The following CEP70 variants were observed in gnomAD, a reference collection of about 807,000 sequenced individuals.
CEP70 encodes the protein centrosomal protein 70.
Under a neutral mutation model 90.9 loss-of-function variants are expected in CEP70, and 70 were observed. The ratio of observed to expected loss-of-function variants is 0.77; its 90% CI spans 0.64 to 0.94. The LOEUF (loss-of-function observed/expected upper bound fraction) is 0.94. CEP70 is among the 40% of genes least tolerant of loss of function. The probability of loss-of-function intolerance (pLI) is 0.00; values close to 1 mark genes in which losing one functional copy is unlikely to be tolerated. For synonymous variants in CEP70, 220 were observed against 228.3 expected, an observed-to-expected ratio of 0.96 and a Z score of 0.33; for missense variants, 648 against 669.0, an observed-to-expected ratio of 0.97 and a Z score of 0.35.
intron 7 of CEP70, among the ~76,000 whole-genome samples, chr3:138,532,929 G>A (rs2037952686): frequency 6.6e-6 from 1 of 152,182 alleles, no homozygotes. Context: ...TGAAAAGCCA[G>A]AAATAATTTA....
rs758716365 is a variant in CEP70, at chr3:138,552,577, T to C, written c.466-15230A>G. Among the ~76,000 whole-genome samples, 12 of 152,164 alleles carry C rather than the reference T, an allele frequency of 7.9e-5. 1 individual carries two copies. In the South Asian group the frequency reaches 1.7e-3, roughly 21 times the overall value. ...TAAATAACCTGCTCCTGAATGATCA[T>C]TGGGTCAACAATAAAATCAAGATGG... On this transcript the variant is annotated intron_variant, in intron 6 of 17. Coordinates refer to ENST00000264982, the MANE Select transcript of CEP70 (RefSeq NM_024491.4).
intron 6 of CEP70, among the ~76,000 whole-genome samples, chr3:138,568,763 G>A (rs984053040): frequency 1.3e-5 from 2 of 151,812 alleles, no homozygotes; most frequent in Admixed American, 6.6e-5. Context: ...GGTGGATCAC[G>A]AAGTCAGGAG....
intron 7 of CEP70, among the ~76,000 whole-genome samples, chr3:138,533,096 A>G (rs567619725): frequency 6.6e-6 from 1 of 152,328 alleles, no homozygotes; most frequent in South Asian, 2.1e-4. Context: ...CCTGGCCAAC[A>G]TGGTGAAACC....
intron 11 of CEP70, among the ~76,000 whole-genome samples, chr3:138,513,710 A>C (rs925324230): frequency 2.0e-5 from 3 of 152,240 alleles, no homozygotes; most frequent in Non-Finnish European, 4.4e-5. Context: ...CTGTCAGCTC[A>C]ACACAGAGTG....
At chr3:138,587,176 T>C (rs1200139609) in intron 2 of CEP70, among the ~76,000 whole-genome samples, 2 of 151,940 alleles carry the variant, frequency 1.3e-5, no homozygotes, top group African/African-American at 2.4e-5. Context: ...ATCTAGAAAT[T>C]AGTAACTTTT....
intron 2 of CEP70, among the ~76,000 whole-genome samples, chr3:138,584,704 T>G (rs1351247810): frequency 2.6e-5 from 4 of 152,032 alleles, no homozygotes; most frequent in African/African-American, 9.7e-5. Flanking sequence ...ATATGATCGT[T>G]TCAACTGATA....
intron 13 of CEP70, among the ~76,000 whole-genome samples, chr3:138,503,267 T>G (rs546741786): frequency 2.1e-4 from 32 of 152,306 alleles, no homozygotes; most frequent in African/African-American, 7.0e-4. Context: ...TGGAATCATA[T>G]AAGTGGAATC....
At chr3:138,590,667 C>T (rs970129733) in intron 2 of CEP70, among the ~76,000 whole-genome samples, 3 of 151,304 alleles carry the variant, frequency 2.0e-5, no homozygotes, top group Non-Finnish European at 2.9e-5. Context: ...AAAAAATAGC[C>T]GATCCTGGTG....
rs373511141 is a variant in CEP70 at position 138,532,236 on chromosome 3, G to C, written c.692+278C>G. Among the ~76,000 whole-genome samples the C allele has an allele frequency of 3.0e-4, 46 of 152,146 alleles. 1 individual carries two copies. Among genetic ancestry groups the C allele is most frequent in the African/African-American group, 1.1e-3 (44 of 41,514 alleles). On this transcript the variant is annotated intron_variant, in intron 8 of 17. Transcript: ENST00000264982. ...ACCCAGGGGCTAGATCATATCAGTAGAAAAAATTATAATACTTCAAGAAAA... is the reference window on the plus strand; with the variant it reads ...ACCCAGGGGCTAGATCATATCAGTACAAAAAATTATAATACTTCAAGAAAA...
At chr3:138,502,328 A>G (rs2034587052) in intron 13 of CEP70, among the ~76,000 whole-genome samples, 1 of 152,202 alleles carries the variant, frequency 6.6e-6, no homozygotes, top group South Asian at 2.1e-4. Context: ...ACTAGACAGC[A>G]CAGCTCTAGA....
At chr3:138,518,306 T>C (rs1206012278) in intron 11 of CEP70, among the ~76,000 whole-genome samples, 1 of 152,160 alleles carries the variant, frequency 6.6e-6, no homozygotes, top group Non-Finnish European at 1.5e-5. Flanking sequence ...GACTTAAATG[T>C]CCCTGTCTGA....
At chr3:138,576,954 A>G (rs1438806998) in intron 2 of CEP70, among the ~76,000 whole-genome samples, 1 of 152,248 alleles carries the variant, frequency 6.6e-6, no homozygotes, top group East Asian at 1.9e-4. Context: ...CCAAATGTCC[A>G]TCAATGATAG....
intron 17 of CEP70, chr3:138,496,124 A>G: frequency 1.0e-6 from 1 of 985,476 alleles, no homozygotes; most frequent in Non-Finnish European, 1.2e-6. Context: ...ACTTAAGGTA[A>G]GCCACAATGG....
chr3:138,532,087 T>A (rs1376132203), intron 8 of CEP70, among the ~76,000 whole-genome samples: 1 of 152,180 alleles, frequency 6.6e-6, no homozygotes, highest in Non-Finnish European at 1.5e-5. Context: ...TGTGTTTTAA[T>A]CTATAAGCTT....
chr3:138,572,468 T>C (rs929511966), intron 3 of CEP70, among the ~76,000 whole-genome samples: 9 of 152,224 alleles, frequency 5.9e-5, no homozygotes, highest in African/African-American at 1.9e-4. Context: ...AAAAACAAAA[T>C]GCTCTATACA....
At chr3:138,533,580 C>T (rs1004604966) in intron 7 of CEP70, among the ~76,000 whole-genome samples, 6 of 151,996 alleles carry the variant, frequency 3.9e-5, no homozygotes, top group Non-Finnish European at 8.8e-5. Context: ...AAAAATTCAT[C>T]GGTGAACAAC....
intron 2 of CEP70, among the ~76,000 whole-genome samples, chr3:138,573,284 C>G (rs1351383965): frequency 6.6e-6 from 1 of 151,024 alleles, no homozygotes. Flanking sequence ...GTAGAAGGAG[C>G]ATTTGAAGAG....
intron 16 of CEP70, among the ~76,000 whole-genome samples, chr3:138,498,431 G>A (rs982653886): frequency 1.8e-4 from 27 of 149,548 alleles, no homozygotes; most frequent in Middle Eastern, 3.5e-3. Context: ...TCCGCCTCCC[G>A]GGTTCACGCC....
chr3:138,526,862 T>C (rs1053967028), intron 10 of CEP70, among the ~76,000 whole-genome samples: 3 of 152,236 alleles, frequency 2.0e-5, no homozygotes, highest in African/African-American at 7.2e-5. Context: ...ATGATGGATA[T>C]GTTAATTAGC....
Sources: gnomAD v4.1 joint callset for allele counts (sites outside exome capture counted in the v4.1 genomes callset) on GRCh38, gnomAD v4.1.1 for gene constraint, MANE v1.5 for transcripts, NCBI Gene and HGNC (gene_info 2026-07-23, HGNC 2026-07-21) for gene names.